Variants in TRMT9B observed in about 807,000 individuals in gnomAD.
TRMT9B encodes probable tRNA methyltransferase 9B.
A neutral mutation model predicts 11.5 loss-of-function variants in TRMT9B; 16 were observed. That is an observed-to-expected ratio of 1.39 (90% CI 0.94 to 2.11). The LOEUF (loss-of-function observed/expected upper bound fraction) is 2.11, where lower values mean the gene tolerates loss of function less well. Among genes scored for constraint, TRMT9B ranks in the 30% most tolerant of loss-of-function variants. The pLI, the probability that TRMT9B is intolerant of heterozygous loss-of-function variation, is 0.00. For missense variants in TRMT9B, 941 were observed against 553.8 expected (o/e 1.70, Z -7.02); for synonymous variants, 274 against 192.4 (o/e 1.42, Z -3.51).
chr8:13,001,649 A>C (rs906937844), intron 2 of TRMT9B, among the ~76,000 whole-genome samples: 1 of 152,216 alleles, frequency 6.6e-6, no homozygotes, highest in African/African-American at 2.4e-5. Context: ...TAAAGACAGA[A>C]AGAGTATTAT....
rs1165109102 is a variant in TRMT9B, at chr8:13,021,746, G to A, written c.1067G>A (p.Gly356Asp). ...AATTTTCTGGATAGCACTAATACTG[G>A]TGTGAATTGTGTGGATGCAGGCAAC... ...GGNFLDSTNT[G>D]VNCVDAGNIE... The change falls in exon 5 of 5, where the codon GGT becomes GAT. Residue 356 changes from glycine (G) to aspartate (D), a missense_variant. Physicochemically the swap from Gly to Asp is moderately conservative, Grantham distance 94. Coordinates refer to ENST00000524591, the MANE Select transcript of TRMT9B (RefSeq NM_020844.3). 3.7e-6 allele frequency: 6 copies of A among 1,613,856 alleles called. No homozygotes were observed. Among genetic ancestry groups the A allele is most frequent in the African/African-American group, 2.7e-5 (2 of 74,928 alleles).
At chr8:13,019,797 G>A (rs535522150) in intron 4 of TRMT9B, among the ~76,000 whole-genome samples, 1 of 152,308 alleles carries the variant, frequency 6.6e-6, no homozygotes, top group African/African-American at 2.4e-5. Flanking sequence ...GGAGGGTAGA[G>A]TGATTGTTTA....
intron 1 of TRMT9B, among the ~76,000 whole-genome samples, chr8:12,977,860 A>G (rs1804707345): frequency 6.6e-6 from 1 of 151,594 alleles, no homozygotes; most frequent in Non-Finnish European, 1.5e-5. Flanking sequence ...ACAAAAAAAA[A>G]AGAAAAAAAT....
rs1478245524 is a variant in TRMT9B at position 13,026,131 on chromosome 8, A to G, written c.*4087A>G. The G allele has an allele frequency of 6.0e-6, 1 of 167,070 alleles. No homozygotes were observed. The highest frequency in any genetic ancestry group is 1.5e-5 in the Non-Finnish European group (1 of 68,112). 10.3% of individuals were successfully genotyped at this position (167,070 alleles called of 1,614,324 possible). ...CCCCCAGTTTTGGAGGAAGGAGGAA[A>G]TGGGAACCAACCACCAGACAAGCAG... On this transcript the variant is annotated 3_prime_UTR_variant, in exon 5 of 5. Transcript: ENST00000524591.
chr8:13,020,945 G>C, intron 4 of TRMT9B, 63 bp from the exon 5 acceptor site: 2 of 1,107,196 alleles, frequency 1.8e-6, no homozygotes, highest in Non-Finnish European at 2.5e-6. Flanking sequence ...GTAAACACCA[G>C]TGTATACGTG....
chr8:13,017,450 C>G (rs555352981), intron 4 of TRMT9B, among the ~76,000 whole-genome samples: 1 of 152,044 alleles, frequency 6.6e-6, no homozygotes, highest in Admixed American at 6.6e-5. Flanking sequence ...ATTTTTTAAA[C>G]AAAAGGGACT....
At chr8:12,977,564 G>C (rs1804655669) in intron 1 of TRMT9B, among the ~76,000 whole-genome samples, 1 of 152,130 alleles carries the variant, frequency 6.6e-6, no homozygotes, top group Non-Finnish European at 1.5e-5. Flanking sequence ...AGCTGGGCGT[G>C]GTGGCACATG....
intron 1 of TRMT9B, among the ~76,000 whole-genome samples, chr8:12,981,448 C>A (rs544174144): frequency 2.0e-5 from 3 of 152,226 alleles, no homozygotes; most frequent in South Asian, 2.1e-4. Context: ...GAGAGTGATA[C>A]AATGGTGACA....
chr8:13,005,503 T>C (rs924485124), intron 2 of TRMT9B, among the ~76,000 whole-genome samples: 2 of 152,202 alleles, frequency 1.3e-5, no homozygotes, highest in Non-Finnish European at 2.9e-5. Flanking sequence ...CATGTGATTA[T>C]TACGCCTTGC....
chr8:13,014,465 GGAA>G (rs934864338), intron 4 of TRMT9B, among the ~76,000 whole-genome samples: 10 of 152,220 alleles, frequency 6.6e-5, no homozygotes, highest in African/African-American at 1.7e-4. Context: ...GCAGGAGACT[GGAA>G]GAAGAAGGGG....
chr8:12,990,812 G>A (rs558180743), intron 1 of TRMT9B, 22 bp from the exon 2 acceptor site: 2 of 1,281,768 alleles, frequency 1.6e-6, no homozygotes, highest in South Asian at 1.2e-5. Flanking sequence ...ATGACATTTA[G>A]TATTTGTTTT....
Position 13,022,327 on chromosome 8 carries a change from C to G in TRMT9B, c.*283C>G. On this transcript the variant is annotated 3_prime_UTR_variant, in exon 5 of 5. Coordinates refer to ENST00000524591, the MANE Select transcript of TRMT9B (RefSeq NM_020844.3). ...GTACACCTCAGACTTTTTTTTAACC[C>G]CAGAGAGATAAAATACATGTATAGT... The G allele has an allele frequency of 6.7e-6, 2 of 299,276 alleles. No individual in the cohort carries two copies. Among genetic ancestry groups the G allele is most frequent in the Non-Finnish European group, 1.3e-5 (2 of 155,310 alleles). The allele number at this position is 299,276 out of a possible 1,614,324, so 18.5% of individuals were successfully genotyped here. A position where few individuals can be genotyped will look rare whatever the true frequency, so the allele number is the denominator to read the frequency against.
chr8:12,992,065 G>C (rs745746895), intron 2 of TRMT9B, among the ~76,000 whole-genome samples: 1 of 152,194 alleles, frequency 6.6e-6, no homozygotes, highest in African/African-American at 2.4e-5. Context: ...TAACCAAAGA[G>C]TCAAGGACCA....
At chr8:12,958,566 A>C (rs1318151269) in intron 1 of TRMT9B, 1 of 166,878 alleles carries the variant, frequency 6.0e-6, no homozygotes, top group Admixed American at 5.6e-5. Context: ...TCCATACAAG[A>C]AAGGAAGCTA....
chr8:12,958,771 A>T (rs1032511813), intron 1 of TRMT9B: 9 of 152,252 alleles, frequency 5.9e-5, no homozygotes, highest in African/African-American at 2.2e-4. Flanking sequence ...GCCATAAAAA[A>T]GGATGAGTTC....
chr8:13,003,372 A>T (rs966219328), intron 2 of TRMT9B, among the ~76,000 whole-genome samples: 2 of 152,150 alleles, frequency 1.3e-5, no homozygotes, highest in African/African-American at 4.8e-5. Flanking sequence ...CCAAAACGGG[A>T]CCTGCTCTTG....
chr8:13,013,688 C>T (rs1013044536), intron 4 of TRMT9B, among the ~76,000 whole-genome samples: 2 of 152,206 alleles, frequency 1.3e-5, no homozygotes. Flanking sequence ...TGCAGCGGCT[C>T]ATGCCTGTAA....
At chr8:12,981,337 G>T (rs1048202258) in intron 1 of TRMT9B, among the ~76,000 whole-genome samples, 1 of 152,182 alleles carries the variant, frequency 6.6e-6, no homozygotes, top group South Asian at 2.1e-4. Context: ...CAGAGCACAG[G>T]GTGTGAATTG....
intron 4 of TRMT9B, among the ~76,000 whole-genome samples, chr8:13,020,664 T>C (rs1813656314): frequency 6.6e-6 from 1 of 152,142 alleles, no homozygotes; most frequent in Non-Finnish European, 1.5e-5. Context: ...TGACCATCCT[T>C]CTGGTTAAAA....
Sources: allele counts gnomAD v4.1 joint callset (sites outside exome capture counted in the v4.1 genomes callset), GRCh38; gene constraint gnomAD v4.1.1; transcripts MANE v1.5; gene names NCBI Gene and HGNC (gene_info 2026-07-23, HGNC 2026-07-21).